Variants in SPAG16 observed in about 807,000 individuals in gnomAD.
SPAG16 encodes the protein sperm associated antigen 16.
SPAG16 carries 86 observed loss-of-function variants against 80.4 expected under a neutral mutation model. That is an observed-to-expected ratio of 1.07 (90% CI 0.90 to 1.28). SPAG16 has a LOEUF of 1.28. Ranked by LOEUF, SPAG16 falls within the 50% of genes most tolerant of loss-of-function variation. SPAG16 has a pLI of 0.00. For synonymous variants in SPAG16, 294 were observed against 265.9 expected, an observed-to-expected ratio of 1.11 and a Z score of -1.03; for missense variants, 870 against 765.3, an observed-to-expected ratio of 1.14 and a Z score of -1.61.
intron 10 of SPAG16, among the ~76,000 whole-genome samples, chr2:213,590,174 C>T (rs1403263230): frequency 2.0e-5 from 3 of 152,040 alleles, no homozygotes; most frequent in African/African-American, 7.2e-5. Flanking sequence ...AGCTGTAACA[C>T]CTAAATTCTA....
intron 14 of SPAG16, among the ~76,000 whole-genome samples, chr2:214,112,592 G>A (rs1576243770): frequency 6.9e-6 from 1 of 145,782 alleles, no homozygotes; most frequent in Non-Finnish European, 1.5e-5. Flanking sequence ...TTTGATCTTT[G>A]TTGGTTTAAA....
At chr2:213,339,002 C>T (rs2064532941) in intron 5 of SPAG16, among the ~76,000 whole-genome samples, 1 of 144,712 alleles carries the variant, frequency 6.9e-6, no homozygotes, top group Middle Eastern at 3.5e-3. Context: ...ACCTTCACAA[C>T]TTGCACCTGT....
Position 213,493,966 on chromosome 2 carries a change from T to C in SPAG16, c.1070+3876T>C, listed in dbSNP as rs569083973. Among the ~76,000 whole-genome samples, 5 of 152,306 alleles carry C rather than the reference T, an allele frequency of 3.3e-5. No homozygotes were observed. The South Asian group carries it at 1.0e-3, about 32-fold the overall frequency. On this transcript the variant is annotated intron_variant, in intron 10 of 15. Coordinates refer to ENST00000331683, the MANE Select transcript of SPAG16 (RefSeq NM_024532.5). ...TTCTCTTCCTTTCCTCTCCTGAAAC[T>C]GCTCTTGCCGGTCATTAGCCACTCC...
intron 10 of SPAG16, among the ~76,000 whole-genome samples, chr2:213,752,077 C>T (rs536483118): frequency 2.0e-5 from 3 of 152,260 alleles, no homozygotes; most frequent in Non-Finnish European, 4.4e-5. Context: ...GAAACAATTG[C>T]TTTTTAATTT....
chr2:213,350,240 G>C (rs534813276), intron 6 of SPAG16, among the ~76,000 whole-genome samples: 1 of 152,102 alleles, frequency 6.6e-6, no homozygotes, highest in African/African-American at 2.4e-5. Flanking sequence ...AAATTTCATG[G>C]GTAGCAGCAA....
chr2:214,153,131 G>T (rs938710601), intron 15 of SPAG16, among the ~76,000 whole-genome samples: 1 of 152,032 alleles, frequency 6.6e-6, no homozygotes, highest in Non-Finnish European at 1.5e-5. Context: ...TAAGTAGTGG[G>T]TGTTGTTCCT....
intron 15 of SPAG16, among the ~76,000 whole-genome samples, chr2:214,169,537 A>G (rs754563314): frequency 3.9e-4 from 60 of 151,988 alleles, no homozygotes; most frequent in Admixed American, 1.6e-3. Context: ...GATTAGCCCC[A>G]TTGATATTCT....
chr2:213,817,344 T>G (rs1270679256), intron 10 of SPAG16, among the ~76,000 whole-genome samples: 1 of 150,584 alleles, frequency 6.6e-6, no homozygotes, highest in Non-Finnish European at 1.5e-5. Context: ...AGAGAAAAGA[T>G]GCTGGTGAGA....
Position 213,792,576 on chromosome 2 carries a change from C to CTTTT in SPAG16, c.1071-69888_1071-69885dup, listed in dbSNP as rs11372174. 5.5e-3 allele frequency among the ~76,000 whole-genome samples: 432 copies of CTTTT among 78,218 alleles called. 8 individuals carry two copies. Among genetic ancestry groups the CTTTT allele is most frequent in the African/African-American group, 0.015 (308 of 20,498 alleles). 51.3% of individuals were successfully genotyped at this position (78,218 alleles called of 152,430 possible). On this transcript the variant is annotated intron_variant, in intron 10 of 15. Transcript: ENST00000331683. ...CCTAATTTTCAGTGAAAATGAGTAT[C>CTTTT]TTTTTTTTTTTTTTTTTTTTTTTTG...
At chr2:213,289,015 GA>G (rs1052717139) in intron 1 of SPAG16, among the ~76,000 whole-genome samples, 7 of 152,122 alleles carry the variant, frequency 4.6e-5, no homozygotes, top group Non-Finnish European at 7.4e-5. Flanking sequence ...TATTTGGAGA[GA>G]AAAAAAATGT....
intron 10 of SPAG16, among the ~76,000 whole-genome samples, chr2:213,637,816 G>A (rs1364268407): frequency 1.3e-5 from 2 of 152,118 alleles, no homozygotes; most frequent in East Asian, 1.9e-4. Context: ...GGAGTGTAGT[G>A]GCTAATCTCG....
intron 10 of SPAG16, among the ~76,000 whole-genome samples, chr2:213,803,321 G>GAAT (rs1435971567): frequency 6.6e-6 from 1 of 152,136 alleles, no homozygotes; most frequent in Admixed American, 6.5e-5. Context: ...TGTAATGAGA[G>GAAT]AATAATGAGG....
intron 11 of SPAG16, among the ~76,000 whole-genome samples, chr2:213,885,399 A>T (rs2076514957): frequency 6.6e-6 from 1 of 152,158 alleles, no homozygotes; most frequent in African/African-American, 2.4e-5. Flanking sequence ...CACCAGGTCC[A>T]TTCTTGGGCC....
intron 11 of SPAG16, among the ~76,000 whole-genome samples, chr2:213,906,399 C>T (rs2077434254): frequency 6.6e-6 from 1 of 152,138 alleles, no homozygotes; most frequent in Non-Finnish European, 1.5e-5. Context: ...ATCTCATGCT[C>T]ATGGATGGGA....
At chr2:214,120,762 TA>T (rs2054182772) in intron 14 of SPAG16, among the ~76,000 whole-genome samples, 1 of 151,920 alleles carries the variant, frequency 6.6e-6, no homozygotes, top group South Asian at 2.1e-4. Context: ...GGCTCAATCT[TA>T]AATCCTGTTA....
At chr2:213,422,886 A>G (rs1006857036) in intron 9 of SPAG16, among the ~76,000 whole-genome samples, 2 of 152,228 alleles carry the variant, frequency 1.3e-5, no homozygotes, top group Non-Finnish European at 2.9e-5. Flanking sequence ...TAACTCAACT[A>G]ACAGCATCCT....
chr2:213,588,670 C>CG (rs1467722002), intron 10 of SPAG16, among the ~76,000 whole-genome samples: 1 of 151,018 alleles, frequency 6.6e-6, no homozygotes, highest in Non-Finnish European at 1.5e-5. Context: ...GGCGCGGTGG[C>CG]GGGCGCCTGT....
At chr2:214,086,758 T>C (rs187337021) in intron 13 of SPAG16, among the ~76,000 whole-genome samples, 1 of 152,252 alleles carries the variant, frequency 6.6e-6, no homozygotes, top group African/African-American at 2.4e-5. Flanking sequence ...TCCTCCCTAC[T>C]CTACTGCCCC....
chr2:213,809,525 C>A (rs1322611300), intron 10 of SPAG16, among the ~76,000 whole-genome samples: 1 of 152,002 alleles, frequency 6.6e-6, no homozygotes, highest in African/African-American at 2.4e-5. Flanking sequence ...AATTATATAA[C>A]AATTAAGGTA....
Sources: allele counts gnomAD v4.1 joint callset (sites outside exome capture counted in the v4.1 genomes callset), GRCh38; gene constraint gnomAD v4.1.1; transcripts MANE v1.5; gene names NCBI Gene and HGNC (gene_info 2026-07-23, HGNC 2026-07-21).